The following ZCWPW2 variants were observed in gnomAD, a reference collection of about 807,000 sequenced individuals.
ZCWPW2 encodes zinc finger CW-type and PWWP domain containing 2.
In ZCWPW2, 45 loss-of-function variants were observed where a neutral mutation model predicts 46.6. The ratio of observed to expected loss-of-function variants is 0.96; its 90% CI spans 0.76 to 1.24. The LOEUF (loss-of-function observed/expected upper bound fraction) is 1.24, where lower values mean the gene tolerates loss of function less well. ZCWPW2 is among the 50% of genes most tolerant of loss of function. The pLI is 0.00. For missense variants in ZCWPW2, 429 were observed against 403.9 expected, an observed-to-expected ratio of 1.06 and a Z score of -0.53; for synonymous variants, 152 against 137.1, an observed-to-expected ratio of 1.11 and a Z score of -0.76.
intron 4 of ZCWPW2, among the ~76,000 whole-genome samples, chr3:28,455,634 T>G (rs544674057): frequency 6.6e-6 from 1 of 152,308 alleles, no homozygotes; most frequent in African/African-American, 2.4e-5. Flanking sequence ...CATTTAAGTC[T>G]TTATTTCATC....
chr3:28,504,015 G>A (rs1032452347), intron 6 of ZCWPW2, among the ~76,000 whole-genome samples: 11 of 151,856 alleles, frequency 7.2e-5, no homozygotes, highest in Admixed American at 1.3e-4. Flanking sequence ...GGGTAACATC[G>A]TGAAACTTTT....
chr3:28,426,480 T>A (rs1287430186), intron 3 of ZCWPW2, among the ~76,000 whole-genome samples: 2 of 152,176 alleles, frequency 1.3e-5, no homozygotes, highest in Non-Finnish European at 2.9e-5. Context: ...TAGTCCAGTT[T>A]GGTAATAAAA....
chr3:28,500,793 T>C (rs1003368873), intron 6 of ZCWPW2, among the ~76,000 whole-genome samples: 2 of 152,168 alleles, frequency 1.3e-5, no homozygotes, highest in African/African-American at 4.8e-5. Context: ...TTTATATGCA[T>C]CCTTCCCAGA....
Position 28,524,898 on chromosome 3 carries a change from A to C in ZCWPW2, c.*210A>C. On this transcript the variant is annotated 3_prime_UTR_variant, in exon 10 of 10. Transcript: ENST00000383768. ...GTTAGTGTTAAAAATTTAGAATTAA[A>C]AAACCCTGATATTTGTATTTATATA... The C allele has an allele frequency of 3.4e-6, 1 of 292,292 alleles. No homozygotes were observed. The highest frequency in any genetic ancestry group is 6.0e-6 in the Non-Finnish European group (1 of 167,582). 18.1% of individuals were successfully genotyped at this position (292,292 alleles called of 1,614,324 possible). A position where few individuals can be genotyped will look rare whatever the true frequency, so the allele number is the denominator to read the frequency against.
intron 4 of ZCWPW2, among the ~76,000 whole-genome samples, chr3:28,442,381 G>A (rs1156687545): frequency 1.3e-5 from 2 of 152,130 alleles, no homozygotes; most frequent in Non-Finnish European, 2.9e-5. Context: ...GCAAGCAAAT[G>A]TCTCACCAAT....
intron 3 of ZCWPW2, among the ~76,000 whole-genome samples, chr3:28,417,375 A>G (rs1195097883): frequency 6.6e-6 from 1 of 152,116 alleles, no homozygotes; most frequent in East Asian, 1.9e-4. Flanking sequence ...AATAATTAAT[A>G]GTTTAGCAAC....
intron 1 of ZCWPW2, among the ~76,000 whole-genome samples, chr3:28,388,929 A>G (rs1441568904): frequency 1.3e-5 from 2 of 152,202 alleles, no homozygotes; most frequent in Non-Finnish European, 2.9e-5. Flanking sequence ...TATTGCAGAC[A>G]TACTGTTTCT....
At chr3:28,389,837 C>G (rs1695417387) in intron 1 of ZCWPW2, among the ~76,000 whole-genome samples, 1 of 152,134 alleles carries the variant, frequency 6.6e-6, no homozygotes, top group South Asian at 2.1e-4. Context: ...AGTCTAAAGT[C>G]AGTCTTCTGG....
At chr3:28,505,204 A>G (rs564089283) in intron 6 of ZCWPW2, among the ~76,000 whole-genome samples, 2 of 152,252 alleles carry the variant, frequency 1.3e-5, no homozygotes, top group African/African-American at 4.8e-5. Context: ...GTTCTCTTTG[A>G]TAAGCCCCTC....
intron 1 of ZCWPW2, among the ~76,000 whole-genome samples, chr3:28,383,773 G>T (rs1559481875): frequency 6.6e-6 from 1 of 151,986 alleles, no homozygotes; most frequent in South Asian, 2.1e-4. Context: ...TACTCTTTTT[G>T]CCACTTTTCT....
chr3:28,358,803 C>G (rs1207062789), intron 1 of ZCWPW2, among the ~76,000 whole-genome samples: 1 of 151,982 alleles, frequency 6.6e-6, no homozygotes, highest in Non-Finnish European at 1.5e-5. Flanking sequence ...ATATTATGGT[C>G]AGAAGTTGGA....
chr3:28,413,979 C>T (rs1332287077), intron 3 of ZCWPW2, among the ~76,000 whole-genome samples: 2 of 151,788 alleles, frequency 1.3e-5, no homozygotes, highest in African/African-American at 4.8e-5. Context: ...TATTATATTC[C>T]AATATTTCCC....
intron 3 of ZCWPW2, among the ~76,000 whole-genome samples, chr3:28,423,356 A>G (rs1180958564): frequency 1.9e-4 from 26 of 137,528 alleles, no homozygotes; most frequent in African/African-American, 6.7e-4. Context: ...TCATCCTGTG[A>G]GCTATCTTTT....
chr3:28,373,662 G>T (rs1452225147), intron 1 of ZCWPW2, among the ~76,000 whole-genome samples: 1 of 151,928 alleles, frequency 6.6e-6, no homozygotes, highest in Non-Finnish European at 1.5e-5. Flanking sequence ...TTTTGGTAGA[G>T]ATGGGGTTTC....
chr3:28,494,426 G>A (rs1699918607), intron 6 of ZCWPW2, among the ~76,000 whole-genome samples: 1 of 141,572 alleles, frequency 7.1e-6, no homozygotes, highest in African/African-American at 2.6e-5. Flanking sequence ...CCCATTGCTT[G>A]TTTTTCTCAG....
intron 6 of ZCWPW2, among the ~76,000 whole-genome samples, chr3:28,503,713 C>G (rs1700207492): frequency 6.6e-6 from 1 of 151,844 alleles, no homozygotes; most frequent in Non-Finnish European, 1.5e-5. Flanking sequence ...TGGCTTATAG[C>G]AGAATTCAAG....
chr3:28,392,631 A>G (rs1695540640), intron 2 of ZCWPW2, among the ~76,000 whole-genome samples: 1 of 152,212 alleles, frequency 6.6e-6, no homozygotes, highest in African/African-American at 2.4e-5. Flanking sequence ...CCACAATGGT[A>G]TAAGATCAGG....
intron 1 of ZCWPW2, among the ~76,000 whole-genome samples, chr3:28,352,838 G>A (rs1023390274): frequency 1.2e-4 from 18 of 151,836 alleles, no homozygotes; most frequent in African/African-American, 3.9e-4. Flanking sequence ...GAGGGAGGGG[G>A]CAGAAGGTCC....
chr3:28,497,833 T>C (rs1700035820), intron 6 of ZCWPW2, among the ~76,000 whole-genome samples: 1 of 152,080 alleles, frequency 6.6e-6, no homozygotes, highest in Non-Finnish European at 1.5e-5. Flanking sequence ...TCTTCAGCCA[T>C]GTGTGATAGA....
Sources: allele counts gnomAD v4.1 joint callset (sites outside exome capture counted in the v4.1 genomes callset), GRCh38; gene constraint gnomAD v4.1.1; transcripts MANE v1.5; gene names NCBI Gene and HGNC (gene_info 2026-07-23, HGNC 2026-07-21).